The following TANC1 variants were observed in gnomAD, a reference collection of about 807,000 sequenced individuals.
The protein encoded by TANC1 is protein TANC1.
In TANC1, 77 loss-of-function variants were observed where a neutral mutation model predicts 149.7. The observed-to-expected ratio is 0.51, with a 90% CI of 0.43 to 0.62. The LOEUF is 0.62. TANC1 is among the 20% of genes least tolerant of loss of function. The pLI is 0.00. For synonymous variants in TANC1, 854 were observed against 925.0 expected, an observed-to-expected ratio of 0.92 and a Z score of 1.39; for missense variants, 1,985 against 2,321.8, an observed-to-expected ratio of 0.85 and a Z score of 2.98.
rs757676097 is a variant in TANC1, at chr2:159,186,919, G to A, written c.2637G>A (p.Thr879=). Residue 879 remains threonine (T), a synonymous_variant, in exon 16 of 27, where the codon ACG becomes ACA. Transcript: ENST00000263635. ...GTTTCCAGGGCCTCAGTAAGAAGAC[G>A]GGAATTTCTTCAAGCCATCTCCAAG... The part of the protein sequence containing the change: ...AHIFKGLSKK[T]GISSSHLQAL... 24 of 1,614,190 alleles carry A rather than the reference G, an allele frequency of 1.5e-5. No individual in the cohort carries two copies. In the East Asian group the frequency reaches 2.0e-4, roughly 13 times the overall value.
At chr2:159,220,952 A>G (rs1256745523) in intron 22 of TANC1, among the ~76,000 whole-genome samples, 1 of 152,248 alleles carries the variant, frequency 6.6e-6, no homozygotes, top group African/African-American at 2.4e-5. Flanking sequence ...ATACTTGTAC[A>G]CATTGTGGAA....
intron 19 of TANC1, among the ~76,000 whole-genome samples, chr2:159,208,661 T>C (rs2058783829): frequency 6.6e-6 from 1 of 152,232 alleles, no homozygotes; most frequent in Admixed American, 6.5e-5. Context: ...ATCCCCATAC[T>C]TGGCTCCAGC....
intron 2 of TANC1, among the ~76,000 whole-genome samples, chr2:159,020,526 CT>C (rs1308292430): frequency 4.6e-5 from 7 of 151,524 alleles, no homozygotes; most frequent in African/African-American, 1.5e-4. Context: ...ACCTAAACTT[CT>C]TTTTTTTCAA....
chr2:159,069,102 A>G (rs1357790117), intron 3 of TANC1, among the ~76,000 whole-genome samples: 5 of 152,246 alleles, frequency 3.3e-5, no homozygotes, highest in African/African-American at 1.2e-4. Flanking sequence ...GTAAACTCAA[A>G]ATAGCAGAAT....
chr2:159,154,867 A>T (rs1285282696), intron 7 of TANC1, among the ~76,000 whole-genome samples: 2 of 152,224 alleles, frequency 1.3e-5, no homozygotes, highest in African/African-American at 2.4e-5. Flanking sequence ...AATCACCATA[A>T]AATAGCTTTC....
intron 19 of TANC1, among the ~76,000 whole-genome samples, chr2:159,204,170 T>G (rs1420395515): frequency 6.6e-6 from 1 of 152,260 alleles, no homozygotes; most frequent in Non-Finnish European, 1.5e-5. Context: ...CATATAGGTA[T>G]TGACCAAGTG....
chr2:159,097,594 A>G, intron 3 of TANC1, 43 bp from the exon 4 acceptor site: 1 of 1,464,106 alleles, frequency 6.8e-7, no homozygotes. Context: ...ATCAACTTAT[A>G]ATGAATGGAT....
chr2:158,990,084 T>G (rs2035461456), intron 1 of TANC1, among the ~76,000 whole-genome samples: 2 of 151,810 alleles, frequency 1.3e-5, no homozygotes, highest in Non-Finnish European at 1.5e-5. Flanking sequence ...CCTGGCTAAT[T>G]TTTTGTATTT....
chr2:159,206,422 G>C (rs1236469003), intron 19 of TANC1, among the ~76,000 whole-genome samples: 2 of 152,206 alleles, frequency 1.3e-5, no homozygotes, highest in Non-Finnish European at 2.9e-5. Flanking sequence ...CTGCGAAGAA[G>C]GCAGAGGGGT....
intron 2 of TANC1, among the ~76,000 whole-genome samples, chr2:159,042,738 G>A (rs941861358): frequency 4.6e-5 from 7 of 152,090 alleles, no homozygotes; most frequent in African/African-American, 1.7e-4. Flanking sequence ...GAGAGAGAGG[G>A]GGTTTCAGGT....
At chr2:158,994,930 T>C (rs956996909) in intron 1 of TANC1, among the ~76,000 whole-genome samples, 2 of 152,264 alleles carry the variant, frequency 1.3e-5, no homozygotes, top group Non-Finnish European at 2.9e-5. Context: ...TAAGCCTGTT[T>C]TGAGTTTGTT....
At chr2:159,101,821 A>G (rs1260837660) in intron 4 of TANC1, among the ~76,000 whole-genome samples, 1 of 152,190 alleles carries the variant, frequency 6.6e-6, no homozygotes, top group East Asian at 1.9e-4. Flanking sequence ...TCAAAACATC[A>G]TGAATGAATG....
intron 18 of TANC1, among the ~76,000 whole-genome samples, chr2:159,198,591 A>G (rs957969531): frequency 6.6e-6 from 1 of 152,242 alleles, no homozygotes; most frequent in African/African-American, 2.4e-5. Flanking sequence ...GCAAAAACGT[A>G]TATCGCTTTG....
intron 4 of TANC1, among the ~76,000 whole-genome samples, chr2:159,121,056 G>A (rs1367923003): frequency 2.6e-5 from 4 of 152,176 alleles, no homozygotes; most frequent in Non-Finnish European, 5.9e-5. Flanking sequence ...ACCATTATCA[G>A]TTTACCACAC....
At chr2:159,083,025 A>C (rs373903680) in intron 3 of TANC1, among the ~76,000 whole-genome samples, 7 of 152,176 alleles carry the variant, frequency 4.6e-5, no homozygotes, top group African/African-American at 1.7e-4. Flanking sequence ...AGCTCACTGC[A>C]ACCTCCACCA....
chr2:159,115,051 T>C (rs1305165805), intron 4 of TANC1, among the ~76,000 whole-genome samples: 1 of 152,194 alleles, frequency 6.6e-6, no homozygotes, highest in Non-Finnish European at 1.5e-5. Flanking sequence ...AATACTTGGC[T>C]CTAAGCTCTG....
chr2:159,155,579 G>C (rs937002248), intron 7 of TANC1, among the ~76,000 whole-genome samples: 5 of 152,220 alleles, frequency 3.3e-5, no homozygotes, highest in African/African-American at 9.6e-5. Context: ...TACCTGCCCA[G>C]CTCTCAGCAC....
chr2:159,167,837 G>C (rs1023797239), intron 8 of TANC1, among the ~76,000 whole-genome samples: 3 of 152,240 alleles, frequency 2.0e-5, no homozygotes, highest in African/African-American at 4.8e-5. Flanking sequence ...ATCTTAGTAG[G>C]GGGAAATGGA....
intron 8 of TANC1, among the ~76,000 whole-genome samples, chr2:159,166,266 G>A (rs2054587123): frequency 6.6e-6 from 1 of 152,158 alleles, no homozygotes; most frequent in African/African-American, 2.4e-5. Context: ...AAGCATGATT[G>A]CTATCCAGTT....
Sources: gnomAD v4.1 joint callset for allele counts (sites outside exome capture counted in the v4.1 genomes callset) on GRCh38, gnomAD v4.1.1 for gene constraint, MANE v1.5 for transcripts, NCBI Gene and HGNC (gene_info 2026-07-23, HGNC 2026-07-21) for gene names.